CPQ: variants seen among roughly 807,000 people sequenced by gnomAD.
CPQ encodes the protein Ser-Met dipeptidase.
CPQ carries 37 observed loss-of-function variants against 45.7 expected under a neutral mutation model. The observed-to-expected ratio is 0.81, with a 90% CI of 0.62 to 1.07. The LOEUF is 1.07. Ranked by LOEUF, CPQ falls within the 50% of genes least tolerant of loss-of-function variation. The pLI is 0.00. For synonymous variants in CPQ, 186 were observed against 205.8 expected (o/e 0.90, Z 0.82); for missense variants, 537 against 572.9 (o/e 0.94, Z 0.64).
At chr8:96,824,966 A>C (rs1811358294) in intron 2 of CPQ, among the ~76,000 whole-genome samples, 1 of 152,158 alleles carries the variant, frequency 6.6e-6, no homozygotes, top group African/African-American at 2.4e-5. Flanking sequence ...TTGTGACAAT[A>C]TCAAGGGACA....
At chr8:97,083,612 G>A (rs527325023) in intron 7 of CPQ, among the ~76,000 whole-genome samples, 4 of 152,262 alleles carry the variant, frequency 2.6e-5, no homozygotes, top group African/African-American at 9.6e-5. Context: ...AATGCCTCTA[G>A]GGATTTTGAG....
chr8:96,702,422 A>G (rs1412265558), intron 1 of CPQ, among the ~76,000 whole-genome samples: 2 of 152,320 alleles, frequency 1.3e-5, no homozygotes, highest in Admixed American at 1.3e-4. Context: ...GAGAAAGGTG[A>G]ACGAAAGCTA....
At chr8:97,039,908 G>A (rs1356640776) in intron 6 of CPQ, among the ~76,000 whole-genome samples, 1 of 151,858 alleles carries the variant, frequency 6.6e-6, no homozygotes, top group African/African-American at 2.4e-5. Flanking sequence ...TTGGTTCCAA[G>A]TCTTTGCTAT....
intron 1 of CPQ, among the ~76,000 whole-genome samples, chr8:96,745,726 A>G (rs1390958174): frequency 3.3e-5 from 5 of 152,250 alleles, no homozygotes; most frequent in African/African-American, 1.2e-4. Flanking sequence ...CATCACAGAG[A>G]GGTGAACTGG....
intron 6 of CPQ, among the ~76,000 whole-genome samples, chr8:97,062,898 A>T (rs1300387249): frequency 6.6e-6 from 1 of 152,126 alleles, no homozygotes; most frequent in Non-Finnish European, 1.5e-5. Flanking sequence ...GGTTGATTCC[A>T]TGTCTCTGTT....
intron 7 of CPQ, among the ~76,000 whole-genome samples, chr8:97,138,643 G>A (rs1425234297): frequency 3.3e-5 from 5 of 152,124 alleles, no homozygotes; most frequent in Non-Finnish European, 7.4e-5. Flanking sequence ...AGAAATAATA[G>A]AAATAATGAA....
At chr8:96,931,195 C>A (rs1164232586) in intron 4 of CPQ, among the ~76,000 whole-genome samples, 1 of 152,184 alleles carries the variant, frequency 6.6e-6, no homozygotes, top group Non-Finnish European at 1.5e-5. Context: ...GGGATGAAAA[C>A]CTTTTTGCCT....
At chr8:96,762,211 T>C (rs1170399337) in intron 1 of CPQ, among the ~76,000 whole-genome samples, 2 of 152,180 alleles carry the variant, frequency 1.3e-5, no homozygotes, top group Non-Finnish European at 2.9e-5. Context: ...CCACAGAAAG[T>C]TCATGTTCTT....
intron 1 of CPQ, among the ~76,000 whole-genome samples, chr8:96,706,052 T>C (rs1809527151): frequency 6.6e-6 from 1 of 152,106 alleles, no homozygotes; most frequent in Non-Finnish European, 1.5e-5. Context: ...TTCCCATGTT[T>C]GAGGATTGAT....
At chr8:96,689,304 C>A (rs1809274802) in intron 1 of CPQ, among the ~76,000 whole-genome samples, 1 of 152,112 alleles carries the variant, frequency 6.6e-6, no homozygotes, top group Non-Finnish European at 1.5e-5. Flanking sequence ...ATGAAGAAAT[C>A]AGCAGAAATA....
At chr8:97,030,631 T>C (rs139815800) in intron 6 of CPQ, among the ~76,000 whole-genome samples, 50 of 152,342 alleles carry the variant, frequency 3.3e-4, no homozygotes, top group African/African-American at 1.1e-3. Context: ...CAACATCATA[T>C]AAGGGTTGTT....
chr8:97,079,857 C>T (rs570752004), intron 7 of CPQ, among the ~76,000 whole-genome samples: 42 of 152,196 alleles, frequency 2.8e-4, no homozygotes, highest in African/African-American at 6.7e-4. Context: ...GATAACCAGT[C>T]GGGTTGGACC....
At chr8:96,812,240 C>T (rs1385332340) in intron 2 of CPQ, among the ~76,000 whole-genome samples, 1 of 152,162 alleles carries the variant, frequency 6.6e-6, no homozygotes, top group Non-Finnish European at 1.5e-5. Flanking sequence ...CTTCTCAGAG[C>T]TTTGTCTGCT....
intron 7 of CPQ, among the ~76,000 whole-genome samples, chr8:97,117,473 A>G (rs1293481484): frequency 6.6e-6 from 1 of 152,130 alleles, no homozygotes; most frequent in Admixed American, 6.6e-5. Flanking sequence ...CCATGTTCCA[A>G]TAGAGCTAGG....
At chr8:97,100,155 C>T (rs534297975) in intron 7 of CPQ, among the ~76,000 whole-genome samples, 1 of 152,290 alleles carries the variant, frequency 6.6e-6, no homozygotes, top group East Asian at 1.9e-4. Context: ...GAGAGGCAGC[C>T]TTATTCACTG....
chr8:97,091,541 T>C (rs1407600732), intron 7 of CPQ, among the ~76,000 whole-genome samples: 1 of 152,194 alleles, frequency 6.6e-6, no homozygotes, highest in East Asian at 1.9e-4. Flanking sequence ...CTTTGTAGCA[T>C]AAAATCAGTT....
intron 2 of CPQ, among the ~76,000 whole-genome samples, chr8:96,813,085 G>A (rs1312533096): frequency 6.6e-6 from 1 of 151,946 alleles, no homozygotes; most frequent in South Asian, 2.1e-4. Context: ...CCCCTTTCCC[G>A]CAGTGACAAC....
intron 7 of CPQ, among the ~76,000 whole-genome samples, chr8:97,122,927 T>TAAATAAAATAAAATAAAATA (rs1313373275): frequency 2.6e-5 from 1 of 38,886 alleles, no homozygotes; most frequent in Non-Finnish European, 4.0e-5. Flanking sequence ...TAAAATAAAA[T>TAAATAAAATAAAATAAAATA]AAATAAAATA....
chr8:96,659,473 T>G (rs1167059242), intron 1 of CPQ: 1 of 152,220 alleles, frequency 6.6e-6, no homozygotes, highest in African/African-American at 2.4e-5. Flanking sequence ...AGGACATGAG[T>G]GCTGACTTCC....
Sources: allele counts gnomAD v4.1 joint callset (sites outside exome capture counted in the v4.1 genomes callset), GRCh38; gene constraint gnomAD v4.1.1; transcripts MANE v1.5; gene names NCBI Gene and HGNC (gene_info 2026-07-23, HGNC 2026-07-21).